The following FOXN3 variants were observed in gnomAD, a reference collection of about 807,000 sequenced individuals.
FOXN3 encodes the protein forkhead box N3.
A neutral mutation model predicts 38.4 loss-of-function variants in FOXN3; 7 were observed. The observed-to-expected ratio is 0.18, with a 90% CI of 0.10 to 0.34. FOXN3 has a LOEUF of 0.34. Among genes scored for constraint, FOXN3 ranks in the 10% least tolerant of loss-of-function variants. FOXN3 has a pLI of 1.00. For missense variants in FOXN3, 456 were observed against 613.4 expected (o/e 0.74, Z 2.71); for synonymous variants, 230 against 242.2 (o/e 0.95, Z 0.47).
At chr14:89,419,374 G>A, upstream of FOXN3, 1 of 347,524 alleles carries the variant, frequency 2.9e-6, no homozygotes, top group Non-Finnish European at 5.7e-6. Flanking sequence ...CTAGGGTGCA[G>A]GGGCCAAATT....
chr14:89,160,409 A>T lies in FOXN3; in HGVS notation c.*2005T>A, dbSNP rs1362079652. 1.3e-5 allele frequency: 2 copies of T among 152,400 alleles called. No homozygotes were observed. The highest frequency in any genetic ancestry group is 2.9e-5 in the Non-Finnish European group (2 of 68,010). 9.4% of individuals were successfully genotyped at this position (152,400 alleles called of 1,614,324 possible). A position where few individuals can be genotyped will look rare whatever the true frequency, so the allele number is the denominator to read the frequency against. On this transcript the variant is annotated 3_prime_UTR_variant, in exon 6 of 6. Coordinates refer to ENST00000557258, the MANE Select transcript of FOXN3 (RefSeq NM_005197.4). Reference sequence around the variant, plus strand: ...TATTGCGACATGGCATTGTGGCGATAGGATGTCTGGGGCTGGCCTTTCCTA... The same window carrying T: ...TATTGCGACATGGCATTGTGGCGATTGGATGTCTGGGGCTGGCCTTTCCTA...
chr14:89,296,538 C>G (rs1051964190), intron 3 of FOXN3, among the ~76,000 whole-genome samples: 3 of 152,200 alleles, frequency 2.0e-5, no homozygotes, highest in Non-Finnish European at 4.4e-5. Context: ...GCAGCTGGGC[C>G]AAGAGCTCCC....
At chr14:89,440,344 G>A (rs370004478) in intron 1 of FOXN3, among the ~76,000 whole-genome samples, 5 of 152,194 alleles carry the variant, frequency 3.3e-5, no homozygotes, top group African/African-American at 9.7e-5. Flanking sequence ...ATGGAGCAGA[G>A]AGACCCCTAT....
At chr14:89,179,199 A>C (rs193094405) in intron 5 of FOXN3, among the ~76,000 whole-genome samples, 8 of 152,364 alleles carry the variant, frequency 5.3e-5, no homozygotes, top group Non-Finnish European at 1.0e-4. Flanking sequence ...TTGTCAGATT[A>C]GTAGAAATGA....
intron 2 of FOXN3, among the ~76,000 whole-genome samples, chr14:89,364,901 G>C (rs1360488414): frequency 6.6e-6 from 1 of 152,194 alleles, no homozygotes; most frequent in African/African-American, 2.4e-5. Flanking sequence ...TTCTTCTGTA[G>C]TAGAGAAGCT....
At chr14:89,489,620 T>C (rs1211862192) in intron 1 of FOXN3, among the ~76,000 whole-genome samples, 1 of 152,214 alleles carries the variant, frequency 6.6e-6, no homozygotes, top group Non-Finnish European at 1.5e-5. Flanking sequence ...AACACCGACA[T>C]ATACGATGGC....
intron 3 of FOXN3, among the ~76,000 whole-genome samples, chr14:89,315,572 C>T (rs1028077121): frequency 2.6e-5 from 4 of 152,108 alleles, no homozygotes; most frequent in Admixed American, 6.6e-5. Context: ...GTCCACAGCA[C>T]GGTTAGAGGA....
chr14:89,311,662 T>A (rs1566953363), intron 3 of FOXN3, among the ~76,000 whole-genome samples: 1 of 150,760 alleles, frequency 6.6e-6, no homozygotes, highest in Non-Finnish European at 1.5e-5. Context: ...CCGTCTCTAT[T>A]AAAAATACAA....
chr14:89,425,068 T>TC (rs941156326), intron 1 of FOXN3, among the ~76,000 whole-genome samples: 4 of 143,142 alleles, frequency 2.8e-5, no homozygotes, highest in Admixed American at 2.8e-4. Context: ...TTTTCTTTTT[T>TC]TTTTTTTTTT....
At chr14:89,365,742 G>A (rs1041636773) in intron 2 of FOXN3, among the ~76,000 whole-genome samples, 36 of 152,224 alleles carry the variant, frequency 2.4e-4, no homozygotes, top group Admixed American at 5.2e-4. Context: ...AAAGCGGATC[G>A]TTTTATATAC....
At chr14:89,485,610 G>C (rs1893429972) in intron 1 of FOXN3, among the ~76,000 whole-genome samples, 2 of 152,140 alleles carry the variant, frequency 1.3e-5, no homozygotes, top group Non-Finnish European at 2.9e-5. Flanking sequence ...GAAAAGATCA[G>C]CAAAGCAGTG....
rs191427663 is a variant in FOXN3, at chr14:89,230,889, T to C, written c.745+50061A>G. ...TTTTCTGTTGAAAAAATAGCTTTCA[T>C]TTATAAAGTACTTCTTCTATTTTCT... On this transcript the variant is annotated intron_variant, in intron 4 of 5. Coordinates refer to ENST00000557258, the MANE Select transcript of FOXN3 (RefSeq NM_005197.4). 54 of 455,954 alleles carry C rather than the reference T, an allele frequency of 1.2e-4. 1 individual carries two copies. Among genetic ancestry groups the C allele is most frequent in the African/African-American group, 7.6e-4 (38 of 50,194 alleles). 28.2% of individuals were successfully genotyped at this position (455,954 alleles called of 1,614,324 possible). A position where few individuals can be genotyped will look rare whatever the true frequency, so the allele number is the denominator to read the frequency against.
At chr14:89,592,281 G>C (rs979696481) in intron 1 of FOXN3, among the ~76,000 whole-genome samples, 1 of 152,028 alleles carries the variant, frequency 6.6e-6, no homozygotes, top group Non-Finnish European at 1.5e-5. Context: ...TTTTTTGGGG[G>C]GAGAAGGGTT....
At chr14:89,274,070 G>A (rs528383929) in intron 4 of FOXN3, among the ~76,000 whole-genome samples, 1 of 152,308 alleles carries the variant, frequency 6.6e-6, no homozygotes, top group African/African-American at 2.4e-5. Flanking sequence ...AGATTAGATG[G>A]AAGAGGCCAA....
rs1566967906 is a variant in FOXN3 at position 89,362,366 on chromosome 14, C to CCAG, written c.544-11559_544-11558insCTG. 4.0e-4 allele frequency among the ~76,000 whole-genome samples: 2 copies of CCAG among 4,968 alleles called. 1 individual carries two copies. Among genetic ancestry groups the CCAG allele is most frequent in the African/African-American group, 4.7e-4 (2 of 4,246 alleles). The allele number at this position is 4,968 out of a possible 152,430, so 3.3% of individuals were successfully genotyped here. A position where few individuals can be genotyped will look rare whatever the true frequency, so the allele number is the denominator to read the frequency against. On this transcript the variant is annotated intron_variant, in intron 2 of 5. Coordinates refer to ENST00000557258, the MANE Select transcript of FOXN3 (RefSeq NM_005197.4). Reference sequence around the variant, plus strand: ...AGCACCACCACCACCTCCTCCTCCTCCTCCACCACCACCTCCACCACCACC... The same window carrying CCAG: ...AGCACCACCACCACCTCCTCCTCCTCCAGCTCCACCACCACCTCCACCACCACC...
chr14:89,290,939 C>T (rs574935864), intron 3 of FOXN3: 12 of 328,650 alleles, frequency 3.7e-5, no homozygotes, highest in South Asian at 3.3e-4. Flanking sequence ...AGGTCAGGCC[C>T]TCAGGAGAGA....
intron 4 of FOXN3, among the ~76,000 whole-genome samples, chr14:89,215,183 T>C (rs537250105): frequency 6.5e-5 from 8 of 122,466 alleles, no homozygotes; most frequent in South Asian, 3.1e-4. Context: ...GAGATTCTAT[T>C]TGGGGAAGGA....
Position 89,511,127 on chromosome 14 carries a change from T to C in FOXN3, c.-14-98637A>G, listed in dbSNP as rs1308667650. Among the ~76,000 whole-genome samples, 2 of 39,038 alleles carry C rather than the reference T, an allele frequency of 5.1e-5. 1 individual carries two copies. 25.6% of individuals were successfully genotyped at this position (39,038 alleles called of 152,430 possible). On this transcript the variant is annotated intron_variant, in intron 1 of 6. Transcript: ENST00000345097. Reference sequence around the variant, plus strand: ...TCTCAAAAGACCTGCTTGGTGTCTTTCTTTCTTTCTTTCTTTTCTTTCTTT... The same window carrying C: ...TCTCAAAAGACCTGCTTGGTGTCTTCCTTTCTTTCTTTCTTTTCTTTCTTT...
chr14:89,255,071 G>A (rs1460389363), intron 4 of FOXN3, among the ~76,000 whole-genome samples: 1 of 152,150 alleles, frequency 6.6e-6, no homozygotes, highest in African/African-American at 2.4e-5. Flanking sequence ...CAGAGGCCAG[G>A]GGCTACTCTA....
Sources: gnomAD v4.1 joint callset for allele counts (sites outside exome capture counted in the v4.1 genomes callset) on GRCh38, gnomAD v4.1.1 for gene constraint, MANE v1.5 for transcripts, NCBI Gene and HGNC (gene_info 2026-07-23, HGNC 2026-07-21) for gene names.